Variants in CAMKMT observed in about 807,000 individuals in gnomAD.
The protein encoded by CAMKMT is CaM KMT.
CAMKMT carries 53 observed loss-of-function variants against 48.0 expected under a neutral mutation model. That is an observed-to-expected ratio of 1.10 (90% CI 0.89 to 1.39). The LOEUF is 1.39. Among genes scored for constraint, CAMKMT ranks in the 40% most tolerant of loss-of-function variants. The pLI is 0.00. For missense variants in CAMKMT, 428 were observed against 402.7 expected, an observed-to-expected ratio of 1.06 and a Z score of -0.54; for synonymous variants, 165 against 152.3, an observed-to-expected ratio of 1.08 and a Z score of -0.61.
chr2:44,468,834 G>T (rs1459822502), intron 3 of CAMKMT, among the ~76,000 whole-genome samples: 1 of 152,130 alleles, frequency 6.6e-6, no homozygotes, highest in Admixed American at 6.5e-5. Context: ...TGGGAGGATT[G>T]CTTGAGCTGG....
chr2:44,619,537 GT>G, intron 3 of CAMKMT, among the ~76,000 whole-genome samples: 1 of 152,088 alleles, frequency 6.6e-6, no homozygotes, highest in South Asian at 2.1e-4. Flanking sequence ...TTGTAACAAA[GT>G]TCTACATTTT....
intron 3 of CAMKMT, among the ~76,000 whole-genome samples, chr2:44,679,300 A>G (rs771423150): frequency 2.0e-5 from 3 of 152,184 alleles, no homozygotes; most frequent in Non-Finnish European, 4.4e-5. Flanking sequence ...CTTGACAACT[A>G]TTATATTTGA....
chr2:44,428,576 A>G (rs1312848527), intron 3 of CAMKMT, among the ~76,000 whole-genome samples: 2 of 152,106 alleles, frequency 1.3e-5, no homozygotes, highest in African/African-American at 4.8e-5. Flanking sequence ...TCTACTCAGT[A>G]TTTCCCTGCC....
chr2:44,703,476 A>G (rs1486835159), intron 3 of CAMKMT, among the ~76,000 whole-genome samples: 2 of 152,170 alleles, frequency 1.3e-5, no homozygotes, highest in East Asian at 3.9e-4. Context: ...GATTTTATTT[A>G]ACTGAAGAAA....
intron 3 of CAMKMT, among the ~76,000 whole-genome samples, chr2:44,483,641 T>C (rs786404): frequency 0.19 from 29,130 of 152,074 alleles, 2,972 homozygotes; most frequent in East Asian, 0.26. Context: ...GGCCATCATG[T>C]AGCTCAAGGT....
At chr2:44,692,404 G>A (rs1676708539) in intron 3 of CAMKMT, among the ~76,000 whole-genome samples, 1 of 152,078 alleles carries the variant, frequency 6.6e-6, no homozygotes, top group Non-Finnish European at 1.5e-5. Flanking sequence ...CCAACAATCT[G>A]GCCAAAGTAG....
At chr2:44,541,530 C>T (rs1248263461) in intron 3 of CAMKMT, among the ~76,000 whole-genome samples, 1 of 152,062 alleles carries the variant, frequency 6.6e-6, no homozygotes, top group Non-Finnish European at 1.5e-5. Context: ...ATTTTATATC[C>T]TGCTACCTCA....
intron 3 of CAMKMT, among the ~76,000 whole-genome samples, chr2:44,513,189 C>G (rs1251916442): frequency 6.6e-6 from 1 of 152,128 alleles, no homozygotes; most frequent in Non-Finnish European, 1.5e-5. Flanking sequence ...CTACTGCAGA[C>G]AGCCAAATTA....
intron 3 of CAMKMT, among the ~76,000 whole-genome samples, chr2:44,489,941 T>G (rs534279925): frequency 1.3e-5 from 2 of 152,120 alleles, no homozygotes; most frequent in African/African-American, 2.4e-5. Flanking sequence ...AATATACCCA[T>G]GTAATAAACC....
intron 3 of CAMKMT, among the ~76,000 whole-genome samples, chr2:44,622,299 T>C (rs768835990): frequency 2.0e-5 from 3 of 152,224 alleles, no homozygotes; most frequent in Non-Finnish European, 4.4e-5. Context: ...AAAATTTGCA[T>C]ATAATCAATG....
At chr2:44,624,448 G>A (rs1340421473) in intron 3 of CAMKMT, among the ~76,000 whole-genome samples, 3 of 151,992 alleles carry the variant, frequency 2.0e-5, no homozygotes, top group Non-Finnish European at 4.4e-5. Context: ...TTTAGCATTA[G>A]GTATATCTCC....
At chr2:44,385,597 G>T (rs1680715016) in intron 2 of CAMKMT, among the ~76,000 whole-genome samples, 2 of 152,122 alleles carry the variant, frequency 1.3e-5, no homozygotes, top group Non-Finnish European at 2.9e-5. Context: ...TCAGTATTAT[G>T]TTGGCTGTGG....
At chr2:44,447,746 A>G (rs1232854974) in intron 3 of CAMKMT, among the ~76,000 whole-genome samples, 1 of 152,216 alleles carries the variant, frequency 6.6e-6, no homozygotes. Context: ...AGTAGGGCAT[A>G]AAAGTATAAT....
intron 3 of CAMKMT, among the ~76,000 whole-genome samples, chr2:44,580,301 A>G (rs1392039570): frequency 1.4e-5 from 2 of 138,406 alleles, no homozygotes; most frequent in Non-Finnish European, 3.3e-5. Flanking sequence ...ATTAGAAACG[A>G]TAATAATTAA....
At chr2:44,724,908 G>C (rs530309117) in intron 7 of CAMKMT, among the ~76,000 whole-genome samples, 1 of 152,216 alleles carries the variant, frequency 6.6e-6, no homozygotes, top group Non-Finnish European at 1.5e-5. Context: ...TGCACTGTTT[G>C]TAATCATATG....
chr2:44,459,665 C>G (rs143292489), intron 3 of CAMKMT, among the ~76,000 whole-genome samples: 34 of 152,154 alleles, frequency 2.2e-4, no homozygotes, highest in Non-Finnish European at 2.2e-4. Context: ...TCCCCCATAT[C>G]CCCCGCAATA....
chr2:44,479,014 T>A (rs769768217), intron 3 of CAMKMT, among the ~76,000 whole-genome samples: 5 of 152,200 alleles, frequency 3.3e-5, no homozygotes, highest in Non-Finnish European at 7.4e-5. Context: ...TTTTCTTTTC[T>A]AAGAAAATTT....
chr2:44,395,825 T>C (rs1448893988), intron 3 of CAMKMT, among the ~76,000 whole-genome samples: 1 of 152,158 alleles, frequency 6.6e-6, no homozygotes, highest in East Asian at 1.9e-4. Flanking sequence ...ATAGAAGATA[T>C]TTTTGGTATG....
intron 3 of CAMKMT, among the ~76,000 whole-genome samples, chr2:44,441,883 C>T (rs1422298366): frequency 3.3e-5 from 5 of 152,172 alleles, no homozygotes; most frequent in African/African-American, 1.2e-4. Flanking sequence ...AAAATATCCT[C>T]TTTTATCTAG....
Sources: allele counts gnomAD v4.1 joint callset (sites outside exome capture counted in the v4.1 genomes callset), GRCh38; gene constraint gnomAD v4.1.1; transcripts MANE v1.5; gene names NCBI Gene and HGNC (gene_info 2026-07-23, HGNC 2026-07-21).